BMP7: variants seen among roughly 807,000 people sequenced by gnomAD.
BMP7 encodes the protein bone morphogenetic protein 7, also known as osteogenic protein 1.
A neutral mutation model predicts 41.2 loss-of-function variants in BMP7; 12 were observed. The ratio of observed to expected loss-of-function variants is 0.29; its 90% CI spans 0.19 to 0.47. The LOEUF (loss-of-function observed/expected upper bound fraction) is 0.47. Among genes scored for constraint, BMP7 ranks in the 20% least tolerant of loss-of-function variants. BMP7 has a pLI of 0.99. For synonymous variants in BMP7, 248 were observed against 250.0 expected, an observed-to-expected ratio of 0.99 and a Z score of 0.07; for missense variants, 467 against 606.0, an observed-to-expected ratio of 0.77 and a Z score of 2.41.
intron 4 of BMP7, among the ~76,000 whole-genome samples, chr20:57,179,236 G>A (rs1399409998): frequency 6.6e-6 from 1 of 152,190 alleles, no homozygotes; most frequent in East Asian, 1.9e-4. Context: ...ACGAAGGAGG[G>A]ACTCCCAGCT....
intron 1 of BMP7, among the ~76,000 whole-genome samples, chr20:57,238,489 C>T (rs6025457): frequency 0.46 from 69,668 of 151,840 alleles, 16,858 homozygotes; most frequent in African/African-American, 0.6. Context: ...CGCTGTGTCA[C>T]ATTGTAGCTC....
In BMP7 at chr20:57,266,136, C is replaced by T. The variant is rs1233937905; in HGVS notation, c.-14G>A. 6.6e-7 allele frequency: 1 copy of T among 1,520,348 alleles called. No individual in the cohort carries two copies. Among genetic ancestry groups the T allele is most frequent in the Non-Finnish European group, 8.8e-7 (1 of 1,139,000 alleles). 94.2% of individuals were successfully genotyped at this position (1,520,348 alleles called of 1,614,324 possible). ...GCGCACGTGCATCGCGCCGGCTCTA[C>T]GCGCTACCCGGGCTCCGGGCTCCGG... On this transcript the variant is annotated 5_prime_UTR_variant, in exon 1 of 7. Coordinates refer to ENST00000395863, the MANE Select transcript of BMP7 (RefSeq NM_001719.3).
Position 57,173,987 on chromosome 20 carries a change from C to G in BMP7, c.1036-677G>C, listed in dbSNP as rs576521555. ...ATAATCAATATACTCCTCAGTGATG[C>G]TTAAGCACATGGAATCTTCCAGCAG... On this transcript the variant is annotated intron_variant, in intron 5 of 6. Coordinates refer to ENST00000395863, the MANE Select transcript of BMP7 (RefSeq NM_001719.3). Among the ~76,000 whole-genome samples the G allele has an allele frequency of 3.3e-5, 5 of 152,304 alleles. No homozygotes were observed. In the East Asian group the frequency reaches 9.7e-4, roughly 29 times the overall value.
At chr20:57,230,051 AGACCTCGGGAAGAT>A (rs1217616076) in intron 1 of BMP7, among the ~76,000 whole-genome samples, 3 of 152,106 alleles carry the variant, frequency 2.0e-5, no homozygotes, top group Non-Finnish European at 4.4e-5. Flanking sequence ...GTCTTTGGAG[AGACCTCGGGAAGAT>A]GACCTTTGAA....
At chr20:57,197,380 G>T (rs1164352670) in intron 3 of BMP7, among the ~76,000 whole-genome samples, 1 of 152,084 alleles carries the variant, frequency 6.6e-6, no homozygotes, top group Non-Finnish European at 1.5e-5. Flanking sequence ...CATGTTAGAG[G>T]GTCCTGGGGT....
rs2066178815 is a variant in BMP7, at chr20:57,266,326, CGCCCCGCACTCGCCCGGGCGCACCGCAGG to C, written c.-233_-205del. 1 of 338,618 alleles carries C rather than the reference CGCCCCGCACTCGCCCGGGCGCACCGCAGG, an allele frequency of 3.0e-6. No homozygotes were observed. The highest frequency in any genetic ancestry group is 1.4e-4 in the South Asian group (1 of 6,960). 21.0% of individuals were successfully genotyped at this position (338,618 alleles called of 1,614,324 possible). A position where few individuals can be genotyped will look rare whatever the true frequency, so the allele number is the denominator to read the frequency against. ...TGCTCGGTGCTGGCCCCGGGCCCCTCGCCCCGCACTCGCCCGGGCGCACCGCAGGGCTTGGAAAGCAGCCCCGGCGAACG... is the reference window on the plus strand; with the variant it reads ...TGCTCGGTGCTGGCCCCGGGCCCCTCGCTTGGAAAGCAGCCCCGGCGAACG... On this transcript the variant is annotated 5_prime_UTR_variant, in exon 1 of 7. Transcript: ENST00000395863.
chr20:57,242,558 G>A (rs1187563189), intron 1 of BMP7, among the ~76,000 whole-genome samples: 1 of 152,164 alleles, frequency 6.6e-6, no homozygotes, highest in Non-Finnish European at 1.5e-5. Context: ...GACCTGTATG[G>A]GGTTCACCCT....
chr20:57,220,947 T>A (rs2123110110), intron 2 of BMP7, among the ~76,000 whole-genome samples: 1 of 152,312 alleles, frequency 6.6e-6, no homozygotes, highest in African/African-American at 2.4e-5. Flanking sequence ...CTGTTGTACA[T>A]GCGCTCAGGC....
chr20:57,173,439 T>G, intron 5 of BMP7, 129 bp from the exon 6 acceptor site: 1 of 898,270 alleles, frequency 1.1e-6, no homozygotes, highest in Non-Finnish European at 1.8e-6. Flanking sequence ...CCATGCCTTC[T>G]GAGCAGCAGG....
chr20:57,248,788 G>GTTTTT (rs1402563101), intron 1 of BMP7, among the ~76,000 whole-genome samples: 4 of 104,050 alleles, frequency 3.8e-5, no homozygotes, highest in African/African-American at 1.3e-4. Context: ...TTTTGTTTTT[G>GTTTTT]TTTTGTTTTG....
chr20:57,208,223 A>G (rs911881779), intron 2 of BMP7, among the ~76,000 whole-genome samples: 2 of 152,228 alleles, frequency 1.3e-5, no homozygotes, highest in Non-Finnish European at 2.9e-5. Flanking sequence ...GGAGTGTTTG[A>G]AACCCATATT....
intron 2 of BMP7, among the ~76,000 whole-genome samples, chr20:57,212,683 C>T (rs911519948): frequency 6.6e-6 from 1 of 152,254 alleles, no homozygotes; most frequent in Non-Finnish European, 1.5e-5. Context: ...AGGCTTGCGG[C>T]TGCGGTGAGT....
chr20:57,202,372 G>A (rs542028790), intron 3 of BMP7, 103 bp downstream of exon 3: 143 of 1,476,160 alleles, frequency 9.7e-5, no homozygotes, highest in African/African-American at 6.1e-4. Flanking sequence ...TGGGAGGGGC[G>A]GGGAAGCCTG....
rs2066153931 is a variant in BMP7 at position 57,261,529 on chromosome 20, G to C, written c.418+4176C>G. On this transcript the variant is annotated intron_variant, in intron 1 of 6. Transcript: ENST00000395863. The surrounding 1 kb of genome is among the most constrained non-coding windows in gnomAD (Gnocchi z 4.1). Reference sequence around the variant, plus strand: ...TTGGGAAAAGTGGAGGAAAATCTTTGATTTATATAAGCAGGAAAATGAGGT... The same window carrying C: ...TTGGGAAAAGTGGAGGAAAATCTTTCATTTATATAAGCAGGAAAATGAGGT... 6.6e-6 allele frequency among the ~76,000 whole-genome samples: 1 copy of C among 152,190 alleles called. No individual in the cohort carries two copies. The highest frequency in any genetic ancestry group is 1.5e-5 in the Non-Finnish European group (1 of 68,024).
At chr20:57,202,111 T>A (rs1356847781) in intron 3 of BMP7, among the ~76,000 whole-genome samples, 1 of 152,168 alleles carries the variant, frequency 6.6e-6, no homozygotes, top group Non-Finnish European at 1.5e-5. Flanking sequence ...CAGTCCAGAA[T>A]GTCCTGTGTC....
chr20:57,180,585 C>G (rs1490861067), intron 4 of BMP7, among the ~76,000 whole-genome samples: 3 of 152,136 alleles, frequency 2.0e-5, no homozygotes, highest in African/African-American at 7.2e-5. Context: ...ATTAACACCC[C>G]CAAGGGCAGC....
Position 57,173,324 on chromosome 20 carries a change from G to A in BMP7, c.1036-14C>T. The A allele has an allele frequency of 6.2e-7, 1 of 1,611,282 alleles. No individual in the cohort carries two copies. Among genetic ancestry groups the A allele is most frequent in the Non-Finnish European group, 8.5e-7 (1 of 1,177,582 alleles). On this transcript the variant is annotated splice_polypyrimidine_tract_variant and intron_variant, in intron 5 of 6. Transcript: ENST00000395863. ...GATGATCCAGTCCTGAGGAGGAGAA[G>A]AGAGTGTGGGAAACCATGCAGAAGG...
Position 57,228,502 on chromosome 20 carries a change from T to C in BMP7, c.419-81A>G. ...CACTCTCTGGCTCTGAGTCCAAGCA[T>C]CTTGCCTAAGCTAGATGGAGGCATG... On this transcript the variant is annotated intron_variant, in intron 1 of 6. Transcript: ENST00000395863. The surrounding 1 kb of genome is among the most constrained non-coding windows in gnomAD (Gnocchi z 4.5). 2 of 1,541,234 alleles carry C rather than the reference T, an allele frequency of 1.3e-6. No individual in the cohort carries two copies. The highest frequency in any genetic ancestry group is 2.2e-5 in the South Asian group (2 of 89,132).
At chr20:57,196,580 A>G (rs1984495553) in intron 3 of BMP7, among the ~76,000 whole-genome samples, 1 of 152,124 alleles carries the variant, frequency 6.6e-6, no homozygotes, top group Admixed American at 6.5e-5. Flanking sequence ...TGTTCTAACA[A>G]CCAGATGCGG....
Sources: allele counts gnomAD v4.1 joint callset (sites outside exome capture counted in the v4.1 genomes callset), GRCh38; gene constraint gnomAD v4.1.1; non-coding constraint Gnocchi (gnomAD v3.1); transcripts MANE v1.5; gene names NCBI Gene and HGNC (gene_info 2026-07-23, HGNC 2026-07-21).